UBAC2: variants seen among roughly 807,000 people sequenced by gnomAD.
The protein encoded by UBAC2 is UBA domain containing 2.
UBAC2 carries 26 observed loss-of-function variants against 44.0 expected under a neutral mutation model. That is an observed-to-expected ratio of 0.59 (90% CI 0.43 to 0.82). UBAC2 has a LOEUF of 0.82. Ranked by LOEUF, UBAC2 falls within the 40% of genes least tolerant of loss-of-function variation. The pLI, the probability that UBAC2 is intolerant of heterozygous loss-of-function variation, is 0.00. For missense variants in UBAC2, 329 were observed against 419.4 expected (o/e 0.78, Z 1.88); for synonymous variants, 155 against 154.3 (o/e 1.00, Z -0.04).
intron 4 of UBAC2, among the ~76,000 whole-genome samples, chr13:99,272,205 A>G (rs1216456775): frequency 6.6e-6 from 1 of 152,182 alleles, no homozygotes; most frequent in African/African-American, 2.4e-5. Flanking sequence ...ATCTAGGTCA[A>G]GTGCCTTGTG....
chr13:99,295,468 A>G lies in UBAC2; in HGVS notation c.390-18629A>G, dbSNP rs1297289992. 1.9e-6 allele frequency: 3 copies of G among 1,613,968 alleles called. No individual in the cohort carries two copies. Among genetic ancestry groups the G allele is most frequent in the African/African-American group, 1.3e-5 (1 of 75,002 alleles). On this transcript the variant is annotated intron_variant, in intron 4 of 8. Transcript: ENST00000403766. The surrounding 1 kb of genome is among the most constrained non-coding windows in gnomAD (Gnocchi z 4.1). ...TCTCAGTGAGTGGGTTTTGTTTGGC[A>G]GTTCTGAAGAGTTTGCAGCAGATCT...
intron 1 of UBAC2, among the ~76,000 whole-genome samples, chr13:99,204,358 G>A (rs898797252): frequency 1.3e-5 from 2 of 152,130 alleles, no homozygotes; most frequent in Admixed American, 6.5e-5. Context: ...TGTGGAGAAG[G>A]CCTCTGGGAG....
chr13:99,317,926 T>C (rs1165278814), intron 5 of UBAC2, 96 bp from the exon 6 acceptor site: 3 of 951,650 alleles, frequency 3.2e-6, no homozygotes, highest in Non-Finnish European at 3.2e-6. Flanking sequence ...ATTAATACTT[T>C]ATATAAATGG....
At chr13:99,305,905 T>C (rs562547692) in intron 4 of UBAC2, among the ~76,000 whole-genome samples, 11 of 152,154 alleles carry the variant, frequency 7.2e-5, no homozygotes, top group Non-Finnish European at 1.2e-4. Flanking sequence ...ATTTATTTAT[T>C]TATCTATCGA....
chr13:99,236,357 A>G (rs115544151), intron 1 of UBAC2, among the ~76,000 whole-genome samples: 1,759 of 152,340 alleles, frequency 0.012, 42 homozygotes, highest in African/African-American at 0.04. Flanking sequence ...AGCTCAAACA[A>G]CTCAATAGCA....
At chr13:99,379,254 C>T (rs1452135987) in intron 8 of UBAC2, among the ~76,000 whole-genome samples, 1 of 152,222 alleles carries the variant, frequency 6.6e-6, no homozygotes, top group Non-Finnish European at 1.5e-5. Flanking sequence ...TTGATGTCCT[C>T]AGTTCCTGGA....
At chr13:99,275,755 C>G (rs933159829) in intron 4 of UBAC2, among the ~76,000 whole-genome samples, 2 of 151,986 alleles carry the variant, frequency 1.3e-5, no homozygotes, top group African/African-American at 4.8e-5. Flanking sequence ...TATCTCTAAG[C>G]CTTTGATTAT....
At chr13:99,287,576 C>A (rs1302561788) in intron 4 of UBAC2, among the ~76,000 whole-genome samples, 2 of 151,544 alleles carry the variant, frequency 1.3e-5, no homozygotes, top group Non-Finnish European at 2.9e-5. Context: ...CCCTGAACTT[C>A]TGCCTCCACC....
At position 99,240,173 on chromosome 13, in the gene UBAC2, C is replaced by T. The variant is rs1468680459; in HGVS notation, c.159+1619C>T. ...GATTTTGGCAGTGAATGCAGAGGTA[C>T]AGTCAGTTTTCTTTAGGTTGAGTTG... On this transcript the variant is annotated intron_variant, in intron 2 of 8. Coordinates refer to ENST00000403766, the MANE Select transcript of UBAC2 (RefSeq NM_001144072.2). Among the ~76,000 whole-genome samples the T allele has an allele frequency of 2.6e-5, 4 of 152,268 alleles. No homozygotes were observed. The East Asian group carries it at 7.7e-4, about 29-fold the overall frequency.
At chr13:99,207,319 A>G (rs2042884218) in intron 1 of UBAC2, among the ~76,000 whole-genome samples, 1 of 152,334 alleles carries the variant, frequency 6.6e-6, no homozygotes, top group South Asian at 2.1e-4. Flanking sequence ...GAATTTTGCC[A>G]TAGTAACTAC....
chr13:99,367,518 A>G (rs889415935), intron 7 of UBAC2, among the ~76,000 whole-genome samples: 6 of 152,302 alleles, frequency 3.9e-5, no homozygotes, highest in African/African-American at 1.2e-4. Context: ...AGTGTCTTTC[A>G]CTGCCTTCCA....
At chr13:99,237,271 TACACAC>T (rs57466771) in intron 1 of UBAC2, among the ~76,000 whole-genome samples, 13 of 145,022 alleles carry the variant, frequency 9.0e-5, no homozygotes, top group African/African-American at 2.3e-4. Flanking sequence ...TATATATATA[TACACAC>T]ACACACACAC....
At chr13:99,235,631 CA>C (rs1354927919) in intron 1 of UBAC2, among the ~76,000 whole-genome samples, 1 of 152,028 alleles carries the variant, frequency 6.6e-6, no homozygotes. Context: ...CATTTGCAGC[CA>C]AAAAAGGTGG....
chr13:99,352,669 G>A (rs536058336), intron 7 of UBAC2, among the ~76,000 whole-genome samples: 11 of 152,260 alleles, frequency 7.2e-5, no homozygotes, highest in South Asian at 4.1e-4. Context: ...TTTCATTACC[G>A]TCTATTCCGC....
At chr13:99,336,414 A>G (rs2044789498) in intron 6 of UBAC2, among the ~76,000 whole-genome samples, 1 of 152,226 alleles carries the variant, frequency 6.6e-6, no homozygotes, top group Non-Finnish European at 1.5e-5. Context: ...CCCCAGTGCC[A>G]AAAAGGTATT....
rs552679216 is a variant in UBAC2, at chr13:99,224,237, A to T, written c.32-14190A>T. Among the ~76,000 whole-genome samples the T allele has an allele frequency of 2.0e-5, 3 of 152,272 alleles. No individual in the cohort carries two copies. The East Asian group carries it at 5.8e-4, about 29-fold the overall frequency. On this transcript the variant is annotated intron_variant, in intron 1 of 8. Coordinates refer to ENST00000403766, the MANE Select transcript of UBAC2 (RefSeq NM_001144072.2). ...ACATGGTCTTTCCTTTGTGTGTGCAAGCATCCCTGGGTCCCTCCCTTTTCT... is the reference window on the plus strand; with the variant it reads ...ACATGGTCTTTCCTTTGTGTGTGCATGCATCCCTGGGTCCCTCCCTTTTCT...
chr13:99,346,936 C>A (rs879943114), intron 7 of UBAC2, among the ~76,000 whole-genome samples: 3 of 152,072 alleles, frequency 2.0e-5, no homozygotes, highest in Non-Finnish European at 2.9e-5. Flanking sequence ...TAAATAGATA[C>A]AGAAAGACTT....
At chr13:99,326,324 C>T (rs2044640546) in intron 6 of UBAC2, among the ~76,000 whole-genome samples, 1 of 152,050 alleles carries the variant, frequency 6.6e-6, no homozygotes, top group South Asian at 2.1e-4. Flanking sequence ...TACCTATTGG[C>T]CATTTGTATG....
At chr13:99,230,253 C>T (rs1174184896) in intron 1 of UBAC2, among the ~76,000 whole-genome samples, 1 of 152,020 alleles carries the variant, frequency 6.6e-6, no homozygotes, top group Non-Finnish European at 1.5e-5. Flanking sequence ...TGCCTGATCT[C>T]AGGAGTTCGA....
Sources: gnomAD v4.1 joint callset for allele counts (sites outside exome capture counted in the v4.1 genomes callset) on GRCh38, gnomAD v4.1.1 for gene constraint, Gnocchi (gnomAD v3.1) non-coding constraint, MANE v1.5 for transcripts, NCBI Gene and HGNC (gene_info 2026-07-23, HGNC 2026-07-21) for gene names.